The following TRANK1 variants were observed in gnomAD, a reference collection of about 807,000 sequenced individuals.
TRANK1 encodes tetratricopeptide repeat and ankyrin repeat containing 1.
In TRANK1, 198 loss-of-function variants were observed where a neutral mutation model predicts 266.0. The ratio of observed to expected loss-of-function variants is 0.74; its 90% CI spans 0.66 to 0.84. The LOEUF (loss-of-function observed/expected upper bound fraction) is 0.84, where lower values mean the gene tolerates loss of function less well. TRANK1 is among the 40% of genes least tolerant of loss of function. TRANK1 has a pLI of 0.00. For synonymous variants in TRANK1, 1,396 were observed against 1,384.1 expected (o/e 1.01, Z -0.19); for missense variants, 3,326 against 3,634.6 (o/e 0.92, Z 2.18).
intron 1 of TRANK1, among the ~76,000 whole-genome samples, chr3:36,912,973 C>T (rs2080073042): frequency 6.6e-6 from 1 of 151,658 alleles, no homozygotes; most frequent in Non-Finnish European, 1.5e-5. Context: ...AAGATTAACT[C>T]GGGAATGCTG....
At chr3:36,850,713 G>A in intron 15 of TRANK1, 4 of 981,380 alleles carry the variant, frequency 4.1e-6, no homozygotes, top group Non-Finnish European at 4.8e-6. Flanking sequence ...TCTGTAAACT[G>A]CAAAGCACCT....
intron 1 of TRANK1, among the ~76,000 whole-genome samples, chr3:36,927,437 A>G (rs184506327): frequency 6.6e-6 from 1 of 152,206 alleles, no homozygotes; most frequent in East Asian, 1.9e-4. Context: ...ATAACTTACA[A>G]TCTTCCTTCA....
intron 22 of TRANK1, 125 bp downstream of exon 22, chr3:36,830,748 T>A: frequency 1.8e-6 from 2 of 1,114,818 alleles, no homozygotes; most frequent in Non-Finnish European, 2.5e-6. Context: ...CTCATTTGTA[T>A]TTCTTCTAAG....
At chr3:36,850,540 AG>A (rs1264358390) in intron 15 of TRANK1, 1 of 978,174 alleles carries the variant, frequency 1.0e-6, no homozygotes, top group Non-Finnish European at 1.2e-6. Flanking sequence ...AGGCCAAGGC[AG>A]GAAGATTACT....
At chr3:36,883,866 G>A (rs1432821099) in intron 8 of TRANK1, among the ~76,000 whole-genome samples, 1 of 152,154 alleles carries the variant, frequency 6.6e-6, no homozygotes, top group African/African-American at 2.4e-5. Flanking sequence ...GAGTTTGAGT[G>A]TCCTACAAAT....
At chr3:36,875,372 C>A (rs2079371954) in intron 8 of TRANK1, among the ~76,000 whole-genome samples, 1 of 152,208 alleles carries the variant, frequency 6.6e-6, no homozygotes, top group Admixed American at 6.5e-5. Context: ...GTGTGGCCTG[C>A]AGAAGTCAAG....
chr3:36,852,030 C>T (rs2078991209), intron 14 of TRANK1, 116 bp downstream of exon 14: 1 of 1,367,978 alleles, frequency 7.3e-7, no homozygotes, highest in Non-Finnish European at 9.8e-7. Flanking sequence ...TGGAACTCAC[C>T]CACTGTGGGA....
At chr3:36,932,772 G>T (rs1043708229) in intron 1 of TRANK1, among the ~76,000 whole-genome samples, 1 of 152,150 alleles carries the variant, frequency 6.6e-6, no homozygotes, top group African/African-American at 2.4e-5. Context: ...TGATCTTTGG[G>T]GAGCAGATCT....
chr3:36,868,807 C>T (rs2079263668), intron 9 of TRANK1, among the ~76,000 whole-genome samples: 1 of 152,222 alleles, frequency 6.6e-6, no homozygotes, highest in African/African-American at 2.4e-5. Flanking sequence ...CCTGCATATA[C>T]TGAAAACAGG....
intron 8 of TRANK1, chr3:36,880,528 G>C (rs571603444): frequency 3.9e-5 from 7 of 180,228 alleles, no homozygotes; most frequent in Non-Finnish European, 7.2e-5. Context: ...ATTTTCTTCA[G>C]GTAACCAAGC....
At position 36,944,945 on chromosome 3, in the gene TRANK1, C is replaced by G; in HGVS notation, c.-136G>C. ...CAGGGGCGGCGCGATGCAGAGGCGG[C>G]GTTCGGGGGCCCCCAGCTGCCTGCG... On this transcript the variant is annotated 5_prime_UTR_variant, in exon 1 of 24. Coordinates refer to ENST00000645898, the MANE Select transcript of TRANK1 (RefSeq NM_001329998.2). 1 of 915,898 alleles carries G rather than the reference C, an allele frequency of 1.1e-6. No homozygotes were observed. Among genetic ancestry groups the G allele is most frequent in the Non-Finnish European group, 1.5e-6 (1 of 672,058 alleles). 56.7% of individuals were successfully genotyped at this position (915,898 alleles called of 1,614,324 possible). A position where few individuals can be genotyped will look rare whatever the true frequency, so the allele number is the denominator to read the frequency against.
Position 36,925,781 on chromosome 3 carries a change from T to C in TRANK1, c.24-17327A>G, listed in dbSNP as rs575750337. Among the ~76,000 whole-genome samples the C allele has an allele frequency of 9.2e-5, 14 of 152,216 alleles. No individual in the cohort carries two copies. In the South Asian group the frequency reaches 2.9e-3, roughly 32 times the overall value. ...AATTTTTGTATTTTGAGATGGGGTT[T>C]CACCATGTTGGCCAGGATGGTCTTG... On this transcript the variant is annotated intron_variant, in intron 1 of 23. Transcript: ENST00000645898.
chr3:36,931,725 A>G (rs1439472686), intron 1 of TRANK1, among the ~76,000 whole-genome samples: 1 of 152,140 alleles, frequency 6.6e-6, no homozygotes, highest in Non-Finnish European at 1.5e-5. Flanking sequence ...GAAAGAAAGA[A>G]TATACATTTG....
intron 1 of TRANK1, among the ~76,000 whole-genome samples, chr3:36,914,142 T>G (rs915567079): frequency 2.0e-5 from 3 of 147,512 alleles, no homozygotes; most frequent in South Asian, 2.2e-4. Flanking sequence ...TTTGTTTTTG[T>G]TTTTTTTTTG....
intron 1 of TRANK1, among the ~76,000 whole-genome samples, chr3:36,911,905 G>A (rs767758543): frequency 6.6e-5 from 10 of 152,176 alleles, no homozygotes; most frequent in South Asian, 2.1e-4. Context: ...AAGAAGCCTC[G>A]GCCAGGCACA....
intron 1 of TRANK1, among the ~76,000 whole-genome samples, chr3:36,916,228 T>C (rs7624498): frequency 0.39 from 59,806 of 152,126 alleles, 12,395 homozygotes; most frequent in Non-Finnish European, 0.47. Flanking sequence ...GTGGCTACCG[T>C]ATTGAACAGT....
At chr3:36,915,089 C>A (rs1428130303) in intron 1 of TRANK1, among the ~76,000 whole-genome samples, 4 of 152,058 alleles carry the variant, frequency 2.6e-5, no homozygotes, top group Non-Finnish European at 5.9e-5. Context: ...GGAGCTGGGA[C>A]TACAGGCGCC....
intron 3 of TRANK1, among the ~76,000 whole-genome samples, chr3:36,899,832 T>C (rs761520922): frequency 1.1e-4 from 17 of 152,224 alleles, no homozygotes; most frequent in African/African-American, 1.4e-4. Flanking sequence ...CTGCTTTCAA[T>C]TACGTCTCTG....
intron 11 of TRANK1, 141 bp downstream of exon 11, chr3:36,860,764 CA>C: frequency 7.8e-7 from 1 of 1,288,264 alleles, no homozygotes; most frequent in Non-Finnish European, 1.0e-6. Flanking sequence ...ATCACTGTTT[CA>C]AAACAAGAAT....
Sources: gnomAD v4.1 joint callset for allele counts (sites outside exome capture counted in the v4.1 genomes callset) on GRCh38, gnomAD v4.1.1 for gene constraint, MANE v1.5 for transcripts, NCBI Gene and HGNC (gene_info 2026-07-23, HGNC 2026-07-21) for gene names.